The following IL1RAPL1 variants were observed in gnomAD, a reference collection of about 807,000 sequenced individuals.
The protein encoded by IL1RAPL1 is interleukin 1 receptor accessory protein like 1.
IL1RAPL1 carries 3 observed loss-of-function variants against 48.4 expected under a neutral mutation model. That is an observed-to-expected ratio of 0.06 (90% CI 0.03 to 0.16). IL1RAPL1 has a LOEUF of 0.16. Ranked by LOEUF, IL1RAPL1 falls within the 10% of genes least tolerant of loss-of-function variation. The probability of loss-of-function intolerance (pLI) is 1.00; values close to 1 mark genes in which losing one functional copy is unlikely to be tolerated. For synonymous variants in IL1RAPL1, 185 were observed against 187.7 expected (o/e 0.99, Z 0.12); for missense variants, 349 against 530.6 (o/e 0.66, Z 3.36).
intron 2 of IL1RAPL1, among the ~76,000 whole-genome samples, chrX:29,051,420 C>T (rs1191214450): frequency 8.9e-6 from 1 of 112,260 alleles, no homozygotes; most frequent in Non-Finnish European, 1.9e-5. Flanking sequence ...GCAGAATTTT[C>T]TTCCAGGAGG....
Position 29,312,077 on chromosome X carries a change from A to G in IL1RAPL1, c.362+28860A>G, listed in dbSNP as rs1346087713. Among the ~76,000 whole-genome samples the G allele has an allele frequency of 5.4e-5, 6 of 111,891 alleles. No individual in the cohort carries two copies. The East Asian group carries it at 1.7e-3, about 31-fold the overall frequency. ...TGTGGGAATACACAGGTGGGTGCAG[A>G]ATCAAAATTTGTCATGGGGAAAGTT... On this transcript the variant is annotated intron_variant, in intron 3 of 10. Coordinates refer to ENST00000378993, the MANE Select transcript of IL1RAPL1 (RefSeq NM_014271.4).
chrX:29,064,552 T>TTTTTTGTTTTTGTTTTTG (rs200109419), intron 2 of IL1RAPL1, among the ~76,000 whole-genome samples: 3 of 108,954 alleles, frequency 2.8e-5, no homozygotes, highest in Admixed American at 1.0e-4. Flanking sequence ...TTTGTTGTTG[T>TTTTTTGTTTTTGTTTTTG]TTTTTGTTTT....
intron 1 of IL1RAPL1, among the ~76,000 whole-genome samples, chrX:28,595,401 A>C (rs775622649): frequency 2.6e-4 from 29 of 112,436 alleles, no homozygotes; most frequent in Non-Finnish European, 5.3e-4. Flanking sequence ...ATCCCTTTGT[A>C]TTATAATAGT....
intron 5 of IL1RAPL1, among the ~76,000 whole-genome samples, chrX:29,495,305 T>C (rs1270422207): frequency 8.9e-6 from 1 of 111,956 alleles, no homozygotes; most frequent in Non-Finnish European, 1.9e-5. Flanking sequence ...TAGGATGAAA[T>C]AGGTGAATGC....
intron 5 of IL1RAPL1, among the ~76,000 whole-genome samples, chrX:29,490,910 C>A (rs1282816664): frequency 9.7e-6 from 1 of 102,643 alleles, no homozygotes; most frequent in Non-Finnish European, 1.9e-5. Flanking sequence ...AAATGTGTTT[C>A]TCACCCCTCG....
intron 1 of IL1RAPL1, among the ~76,000 whole-genome samples, chrX:28,624,189 T>C (rs914024259): frequency 4.5e-5 from 5 of 111,696 alleles, no homozygotes; most frequent in African/African-American, 1.3e-4. Flanking sequence ...AAAATAATTC[T>C]CTTACTTTTC....
intron 6 of IL1RAPL1, among the ~76,000 whole-genome samples, chrX:29,787,329 T>C (rs931465177): frequency 8.9e-6 from 1 of 112,025 alleles, no homozygotes; most frequent in African/African-American, 3.2e-5. Flanking sequence ...ACAATGCCCA[T>C]ATTCTGAATT....
At chrX:29,831,109 G>C (rs928493651) in intron 6 of IL1RAPL1, among the ~76,000 whole-genome samples, 6 of 111,842 alleles carry the variant, frequency 5.4e-5, no homozygotes, top group African/African-American at 2.0e-4. Flanking sequence ...TCTGTGAATA[G>C]TGCTTAGAAC....
intron 6 of IL1RAPL1, among the ~76,000 whole-genome samples, chrX:29,900,230 A>G (rs767837710): frequency 8.9e-6 from 1 of 112,415 alleles, no homozygotes. Context: ...AATAATAAAC[A>G]ACATGCATTA....
intron 1 of IL1RAPL1, among the ~76,000 whole-genome samples, chrX:28,685,132 T>G (rs1339662984): frequency 8.9e-6 from 1 of 112,278 alleles, no homozygotes; most frequent in Non-Finnish European, 1.9e-5. Flanking sequence ...GCTTTTAAAA[T>G]ACTGTAACTA....
intron 8 of IL1RAPL1, among the ~76,000 whole-genome samples, chrX:29,923,456 A>G (rs1167483356): frequency 8.9e-6 from 1 of 112,324 alleles, no homozygotes; most frequent in African/African-American, 3.2e-5. Flanking sequence ...CATGGGCCAT[A>G]TTGGTTTATG....
chrX:29,206,429 T>A (rs62586223), intron 2 of IL1RAPL1, among the ~76,000 whole-genome samples: 44,230 of 110,166 alleles, frequency 0.4, 8,623 homozygotes, highest in Non-Finnish European at 0.6. Flanking sequence ...TTAATAGAGG[T>A]TTATTTTAAA....
chrX:28,975,496 A>G (rs1283960556), intron 2 of IL1RAPL1, among the ~76,000 whole-genome samples: 1 of 112,312 alleles, frequency 8.9e-6, no homozygotes, highest in East Asian at 2.8e-4. Context: ...CTAAAAAACT[A>G]GGATACATGT....
At chrX:29,270,943 C>T (rs1932032489) in intron 2 of IL1RAPL1, among the ~76,000 whole-genome samples, 2 of 111,388 alleles carry the variant, frequency 1.8e-5, no homozygotes, top group South Asian at 7.5e-4. Flanking sequence ...GTTTGCTATA[C>T]AGGTTATTTC....
intron 6 of IL1RAPL1, among the ~76,000 whole-genome samples, chrX:29,735,587 G>GT (rs1305487195): frequency 9.0e-6 from 1 of 111,664 alleles, no homozygotes; most frequent in African/African-American, 3.3e-5. Context: ...TTCAGTTGAA[G>GT]TTTTTTCAAT....
intron 2 of IL1RAPL1, among the ~76,000 whole-genome samples, chrX:29,244,449 A>G (rs1228605908): frequency 1.8e-5 from 2 of 112,419 alleles, no homozygotes; most frequent in African/African-American, 6.5e-5. Flanking sequence ...TTTTGATGGG[A>G]GAATTACTCT....
intron 5 of IL1RAPL1, among the ~76,000 whole-genome samples, chrX:29,517,175 G>C (rs1478115819): frequency 1.8e-5 from 2 of 110,025 alleles, no homozygotes; most frequent in African/African-American, 3.3e-5. Context: ...TTTTACTAGG[G>C]TTTATAGCTT....
chrX:29,245,990 A>T (rs1931504694), intron 2 of IL1RAPL1, among the ~76,000 whole-genome samples: 2 of 110,830 alleles, frequency 1.8e-5, no homozygotes, highest in African/African-American at 6.6e-5. Flanking sequence ...TCAAAGGCAT[A>T]CTTTCTGTCT....
intron 2 of IL1RAPL1, among the ~76,000 whole-genome samples, chrX:29,210,281 A>G (rs1380854761): frequency 1.8e-5 from 2 of 112,201 alleles, no homozygotes; most frequent in Non-Finnish European, 3.8e-5. Flanking sequence ...CCTGTCAAGT[A>G]TGAATGTCAT....
Sources: allele counts gnomAD v4.1 joint callset (sites outside exome capture counted in the v4.1 genomes callset), GRCh38; gene constraint gnomAD v4.1.1; transcripts MANE v1.5; gene names NCBI Gene and HGNC (gene_info 2026-07-23, HGNC 2026-07-21).